Variants in NELL2 observed in about 807,000 individuals in gnomAD.
NELL2 encodes neural EGFL like 2.
In NELL2, 41 loss-of-function variants were observed where a neutral mutation model predicts 109.6. The observed-to-expected ratio is 0.37, with a 90% CI of 0.29 to 0.49. The LOEUF (loss-of-function observed/expected upper bound fraction) is 0.49. Among genes scored for constraint, NELL2 ranks in the 20% least tolerant of loss-of-function variants. The pLI, the probability that NELL2 is intolerant of heterozygous loss-of-function variation, is 0.98. For missense variants in NELL2, 900 were observed against 1,008.3 expected (o/e 0.89, Z 1.45); for synonymous variants, 355 against 344.7 (o/e 1.03, Z -0.33).
At chr12:44,858,649 C>T (rs1944749999) in intron 2 of NELL2, among the ~76,000 whole-genome samples, 1 of 152,194 alleles carries the variant, frequency 6.6e-6, no homozygotes, top group African/African-American at 2.4e-5. Context: ...ACCACAACAA[C>T]AGTATTCACC....
intron 3 of NELL2, among the ~76,000 whole-genome samples, chr12:44,799,054 G>A (rs1942737492): frequency 6.9e-6 from 1 of 145,482 alleles, no homozygotes; most frequent in Non-Finnish European, 1.5e-5. Context: ...TGCCTCCCGG[G>A]TTCAAGTGAT....
At chr12:44,835,249 G>C (rs561107063) in intron 2 of NELL2, among the ~76,000 whole-genome samples, 1 of 152,166 alleles carries the variant, frequency 6.6e-6, no homozygotes, top group Non-Finnish European at 1.5e-5. Flanking sequence ...CCACTCGCCC[G>C]ACGTGCTCCA....
chr12:44,849,701 G>C (rs1296433648), intron 2 of NELL2, among the ~76,000 whole-genome samples: 3 of 152,086 alleles, frequency 2.0e-5, no homozygotes, highest in Non-Finnish European at 4.4e-5. Flanking sequence ...AATATTTATG[G>C]CAGCTTTATT....
intron 1 of NELL2, among the ~76,000 whole-genome samples, chr12:44,910,756 A>T (rs7302935): frequency 0.14 from 20,872 of 151,964 alleles, 1,678 homozygotes; most frequent in East Asian, 0.22. Flanking sequence ...GTACATATAT[A>T]TGTGGAATAC....
chr12:44,637,817 A>G lies in NELL2; in HGVS notation c.1445-26847T>C, dbSNP rs142272796. 4.0e-4 allele frequency among the ~76,000 whole-genome samples: 61 copies of G among 151,964 alleles called. 1 individual carries two copies. In the East Asian group the frequency reaches 9.5e-3, roughly 24 times the overall value. On this transcript the variant is annotated intron_variant, in intron 13 of 19. Coordinates refer to ENST00000429094, the MANE Select transcript of NELL2 (RefSeq NM_001145108.2). ...TAAAGTTGATATGCATCTTAATGAG[A>G]AAAAAAGTATGTAGAGCAATGCAAT...
chr12:44,874,062 T>G (rs1388320848), intron 2 of NELL2, among the ~76,000 whole-genome samples: 6 of 152,218 alleles, frequency 3.9e-5, no homozygotes, highest in Non-Finnish European at 8.8e-5. Context: ...TTCCCAACTC[T>G]AAGCTTTGGT....
chr12:44,846,458 A>T (rs978438506), intron 2 of NELL2, among the ~76,000 whole-genome samples: 3 of 152,200 alleles, frequency 2.0e-5, no homozygotes, highest in African/African-American at 7.2e-5. Context: ...TTTATGGATC[A>T]CTAGCAATAT....
intron 3 of NELL2, among the ~76,000 whole-genome samples, chr12:44,782,862 A>G (rs563297454): frequency 5.6e-4 from 85 of 152,148 alleles, no homozygotes; most frequent in African/African-American, 1.6e-3. Context: ...TCAAGAATAT[A>G]TAACTCAAAA....
intron 15 of NELL2, among the ~76,000 whole-genome samples, chr12:44,595,368 G>A (rs933708638): frequency 6.6e-6 from 1 of 152,152 alleles, no homozygotes; most frequent in Non-Finnish European, 1.5e-5. Context: ...CATTTAAGAA[G>A]GAGAAGAAGA....
intron 19 of NELL2, among the ~76,000 whole-genome samples, chr12:44,513,951 C>CG (rs1412298651): frequency 1.5e-5 from 2 of 131,738 alleles, no homozygotes; most frequent in African/African-American, 6.9e-5. Flanking sequence ...AAAATAAAGA[C>CG]CAAAAAAAAA....
rs1354073898 is a variant in NELL2, at chr12:44,518,284, G to A, written c.2400+1721C>T. 2.0e-5 allele frequency among the ~76,000 whole-genome samples: 3 copies of A among 147,460 alleles called. No individual in the cohort carries two copies. In the East Asian group the frequency reaches 6.0e-4, roughly 29 times the overall value. On this transcript the variant is annotated intron_variant, in intron 19 of 19. Transcript: ENST00000429094. ...TTCTGAGATGGAGTCTCGCTCTGTT[G>A]CCCAGGCTGGAGGGCAGTGGCACAA... is the stretch of plus-strand genomic sequence containing the variant.
intron 12 of NELL2, among the ~76,000 whole-genome samples, chr12:44,687,746 A>G (rs1251297849): frequency 2.0e-5 from 3 of 152,218 alleles, no homozygotes; most frequent in Non-Finnish European, 4.4e-5. Context: ...TTATAATTTA[A>G]TCTCTATGCA....
At chr12:44,921,029 C>T (rs779580681) in intron 1 of NELL2, among the ~76,000 whole-genome samples, 1 of 152,098 alleles carries the variant, frequency 6.6e-6, no homozygotes, top group Non-Finnish European at 1.5e-5. Context: ...ATTTGAGATC[C>T]TAATCTACGT....
chr12:44,773,076 C>T (rs1370321183), intron 9 of NELL2, among the ~76,000 whole-genome samples: 2 of 152,104 alleles, frequency 1.3e-5, no homozygotes, highest in Non-Finnish European at 2.9e-5. Context: ...CACAATGGCC[C>T]GTTATTTCAA....
chr12:44,552,557 T>C (rs1943081577), intron 15 of NELL2, among the ~76,000 whole-genome samples: 1 of 152,146 alleles, frequency 6.6e-6, no homozygotes, highest in African/African-American at 2.4e-5. Flanking sequence ...TTATATTAGA[T>C]TGTTTCTTTT....
Position 44,691,433 on chromosome 12 carries a change from G to A in NELL2, c.1318+12293C>T, listed in dbSNP as rs11182613. On this transcript the variant is annotated intron_variant, in intron 12 of 19. Coordinates refer to ENST00000429094, the MANE Select transcript of NELL2 (RefSeq NM_001145108.2). ...GTGTGTTCTGATGGCTCTACTGACT[G>A]GCCATTCCCATCTCGCCCCCTTTCC... Among the ~76,000 whole-genome samples, 190 of 152,176 alleles carry A rather than the reference G, an allele frequency of 1.2e-3. 3 individuals are homozygous for A. The East Asian group carries it at 0.026, about 21-fold the overall frequency.
intron 9 of NELL2, among the ~76,000 whole-genome samples, chr12:44,743,701 G>A (rs2136506204): frequency 6.6e-6 from 1 of 152,300 alleles, no homozygotes; most frequent in East Asian, 1.9e-4. Flanking sequence ...AAGAGACAAA[G>A]AAGGCCATCA....
intron 13 of NELL2, among the ~76,000 whole-genome samples, chr12:44,654,684 G>A (rs1322522808): frequency 6.6e-6 from 1 of 152,250 alleles, no homozygotes; most frequent in Non-Finnish European, 1.5e-5. Flanking sequence ...GAGAGATGAG[G>A]CTTCTGATTT....
chr12:44,770,795 G>C (rs534829514), intron 9 of NELL2, among the ~76,000 whole-genome samples: 1 of 152,164 alleles, frequency 6.6e-6, no homozygotes, highest in African/African-American at 2.4e-5. Flanking sequence ...TACAGCATCA[G>C]TTCAGATTTG....
Sources: gnomAD v4.1 joint callset for allele counts (sites outside exome capture counted in the v4.1 genomes callset) on GRCh38, gnomAD v4.1.1 for gene constraint, MANE v1.5 for transcripts, NCBI Gene and HGNC (gene_info 2026-07-23, HGNC 2026-07-21) for gene names.